ERC2: variants seen among roughly 807,000 people sequenced by gnomAD.
ERC2 encodes ELKS/RAB6-interacting/CAST family member 2.
ERC2 carries 42 observed loss-of-function variants against 114.8 expected under a neutral mutation model. That is an observed-to-expected ratio of 0.37 (90% CI 0.29 to 0.47). The LOEUF (loss-of-function observed/expected upper bound fraction) is 0.47. Ranked by LOEUF, ERC2 falls within the 20% of genes least tolerant of loss-of-function variation. ERC2 has a pLI of 0.99. For missense variants in ERC2, 939 were observed against 1,150.7 expected (o/e 0.82, Z 2.66); for synonymous variants, 454 against 425.5 (o/e 1.07, Z -0.82).
intron 3 of ERC2, among the ~76,000 whole-genome samples, chr3:56,215,554 A>G (rs2049402052): frequency 6.6e-6 from 1 of 152,204 alleles, no homozygotes; most frequent in Non-Finnish European, 1.5e-5. Flanking sequence ...GGAGAGTTTG[A>G]CACCCCACTG....
chr3:56,348,945 AAG>A (rs1560643052), intron 2 of ERC2, among the ~76,000 whole-genome samples: 1 of 138,584 alleles, frequency 7.2e-6, no homozygotes, highest in Non-Finnish European at 1.6e-5. Flanking sequence ...GGAAGGAAGG[AAG>A]GAAGGAAGGA....
At chr3:55,533,752 G>A (rs941878630) in intron 17 of ERC2, among the ~76,000 whole-genome samples, 8 of 152,180 alleles carry the variant, frequency 5.3e-5, no homozygotes, top group African/African-American at 1.7e-4. Context: ...TCTCAGACCC[G>A]CTCCTTGCTC....
intron 14 of ERC2, among the ~76,000 whole-genome samples, chr3:55,769,751 G>A (rs1314081618): frequency 6.6e-6 from 1 of 152,096 alleles, no homozygotes; most frequent in African/African-American, 2.4e-5. Context: ...GCCACAGAGT[G>A]TCACACTTCA....
At chr3:56,348,425 T>G (rs1217064865) in intron 2 of ERC2, among the ~76,000 whole-genome samples, 1 of 151,798 alleles carries the variant, frequency 6.6e-6, no homozygotes, top group African/African-American at 2.4e-5. Context: ...GACTACAGAG[T>G]GTGCGTGCTG....
chr3:56,405,346 G>A (rs943615995), intron 2 of ERC2, among the ~76,000 whole-genome samples: 3 of 152,050 alleles, frequency 2.0e-5, no homozygotes, highest in Middle Eastern at 3.4e-3. Flanking sequence ...CGGGAGGCTT[G>A]AGCCTGGGAG....
intron 3 of ERC2, among the ~76,000 whole-genome samples, chr3:56,211,531 A>G (rs2049058764): frequency 6.6e-6 from 1 of 152,180 alleles, no homozygotes; most frequent in Non-Finnish European, 1.5e-5. Flanking sequence ...ACACAATAGC[A>G]ATCTACAAAT....
chr3:56,143,070 T>C (rs1288359371), intron 5 of ERC2, among the ~76,000 whole-genome samples: 1 of 152,192 alleles, frequency 6.6e-6, no homozygotes, highest in East Asian at 1.9e-4. Context: ...CTCAAAGCTT[T>C]AAAACAGAAA....
chr3:55,733,689 T>G (rs2065445887), intron 15 of ERC2, among the ~76,000 whole-genome samples: 1 of 152,178 alleles, frequency 6.6e-6, no homozygotes, highest in African/African-American at 2.4e-5. Flanking sequence ...GTAAAAGGGT[T>G]AGTCACATTG....
At chr3:55,915,616 T>C (rs945574494) in intron 13 of ERC2, among the ~76,000 whole-genome samples, 5 of 152,150 alleles carry the variant, frequency 3.3e-5, no homozygotes, top group African/African-American at 1.2e-4. Flanking sequence ...ATCCCATGGA[T>C]CCTTATGGAT....
chr3:56,194,126 G>C (rs151051546), intron 3 of ERC2, among the ~76,000 whole-genome samples: 183 of 152,218 alleles, frequency 1.2e-3, no homozygotes, highest in African/African-American at 4.3e-3. Flanking sequence ...TCCCTAGCAT[G>C]TGACAAATAC....
intron 2 of ERC2, among the ~76,000 whole-genome samples, chr3:56,424,465 G>T (rs2061495737): frequency 6.6e-6 from 1 of 152,144 alleles, no homozygotes; most frequent in South Asian, 2.1e-4. Context: ...CCACTAATGT[G>T]GTACACATGG....
In ERC2 at chr3:56,386,170, T is replaced by A. The variant is rs536118725; in HGVS notation, c.657+48181A>T. Among the ~76,000 whole-genome samples the A allele has an allele frequency of 3.9e-5, 6 of 152,266 alleles. No homozygotes were observed. The South Asian group carries it at 1.2e-3, about 32-fold the overall frequency. Reference sequence around the variant, plus strand: ...GATTAGGAAAACACTTAAGCAAAGCTTTGTACCTACACTGCAAAGCCACAG... The same window carrying A: ...GATTAGGAAAACACTTAAGCAAAGCATTGTACCTACACTGCAAAGCCACAG... On this transcript the variant is annotated intron_variant, in intron 2 of 17. Coordinates refer to ENST00000288221, the MANE Select transcript of ERC2 (RefSeq NM_015576.3).
At chr3:56,299,579 G>A (rs933440288) in intron 2 of ERC2, among the ~76,000 whole-genome samples, 12 of 151,974 alleles carry the variant, frequency 7.9e-5, no homozygotes, top group African/African-American at 2.7e-4. Flanking sequence ...ATAGGTGTGC[G>A]CCACCACACT....
At chr3:56,034,629 G>C (rs2074677309) in intron 7 of ERC2, among the ~76,000 whole-genome samples, 1 of 152,114 alleles carries the variant, frequency 6.6e-6, no homozygotes, top group Non-Finnish European at 1.5e-5. Context: ...ATCATATCAA[G>C]TATCTTTTCC....
In ERC2 at chr3:55,768,675, G is replaced by GAA. The variant is rs149556681; in HGVS notation, c.2565-33759_2565-33758dup. ...ACAAGGAAGTGCAGACCAGATGGGA[G>GAA]AACGCTAAGTGTAAACGCTGTGAGG... On this transcript the variant is annotated intron_variant, in intron 14 of 17. Coordinates refer to ENST00000288221, the MANE Select transcript of ERC2 (RefSeq NM_015576.3). Among the ~76,000 whole-genome samples the GAA allele has an allele frequency of 2.5e-3, 378 of 152,270 alleles. 1 individual carries two copies. The highest frequency in any genetic ancestry group is 8.0e-3 in the African/African-American group (331 of 41,548).
intron 14 of ERC2, among the ~76,000 whole-genome samples, chr3:55,851,229 T>C (rs1575842162): frequency 1.3e-5 from 2 of 150,690 alleles, no homozygotes; most frequent in Admixed American, 6.6e-5. Flanking sequence ...AGAATGCACA[T>C]GGTAACAGGA....
intron 14 of ERC2, among the ~76,000 whole-genome samples, chr3:55,750,175 A>G (rs1243912201): frequency 1.3e-5 from 2 of 152,224 alleles, no homozygotes; most frequent in East Asian, 1.9e-4. Context: ...TAAATTATAT[A>G]AAGACTTAAA....
At chr3:56,322,000 G>A (rs562161335) in intron 2 of ERC2, among the ~76,000 whole-genome samples, 2 of 152,308 alleles carry the variant, frequency 1.3e-5, no homozygotes, top group East Asian at 3.9e-4. Context: ...AAAGCTGAAA[G>A]CAAAAGGACT....
At chr3:56,429,984 A>G (rs1363893606) in intron 2 of ERC2, among the ~76,000 whole-genome samples, 6 of 152,212 alleles carry the variant, frequency 3.9e-5, no homozygotes. Context: ...ACAACGCTGC[A>G]TATAAGAAGG....
Sources: gnomAD v4.1 joint callset for allele counts (sites outside exome capture counted in the v4.1 genomes callset) on GRCh38, gnomAD v4.1.1 for gene constraint, MANE v1.5 for transcripts, NCBI Gene and HGNC (gene_info 2026-07-23, HGNC 2026-07-21) for gene names.